The following PPP2R2B variants were observed in gnomAD, a reference collection of about 807,000 sequenced individuals.
PPP2R2B encodes the protein protein phosphatase 2 regulatory subunit Bbeta.
In PPP2R2B, 5 loss-of-function variants were observed where a neutral mutation model predicts 46.0. The observed-to-expected ratio is 0.11, with a 90% confidence interval of 0.06 to 0.23. The LOEUF is 0.23. Among genes scored for constraint, PPP2R2B ranks in the 10% least tolerant of loss-of-function variants. The probability of loss-of-function intolerance (pLI) is 1.00; values close to 1 mark genes in which losing one functional copy is unlikely to be tolerated. For synonymous variants in PPP2R2B, 215 were observed against 206.7 expected, an observed-to-expected ratio of 1.04 and a Z score of -0.34; for missense variants, 367 against 575.0, an observed-to-expected ratio of 0.64 and a Z score of 3.70.
At chr5:146,732,076 G>A (rs1308037138) in intron 2 of PPP2R2B, among the ~76,000 whole-genome samples, 1 of 152,078 alleles carries the variant, frequency 6.6e-6, no homozygotes, top group East Asian at 1.9e-4. Flanking sequence ...TATGACTCAG[G>A]CCTCCTGGAA....
chr5:146,698,317 A>AAAAAAAAAAAT (rs1250416449), intron 3 of PPP2R2B, among the ~76,000 whole-genome samples, 173 bp from the exon 4 acceptor site: 1 of 85,626 alleles, frequency 1.2e-5, no homozygotes, highest in African/African-American at 4.9e-5. Flanking sequence ...AAAAAAAAAA[A>AAAAAAAAAAAT]ATATATATAT....
intron 1 of PPP2R2B, among the ~76,000 whole-genome samples, chr5:146,883,842 A>G (rs902967371): frequency 5.3e-5 from 8 of 152,238 alleles, no homozygotes; most frequent in African/African-American, 1.7e-4. Context: ...TATTAATTCT[A>G]GACTCTGGGG....
At chr5:147,032,737 G>A (rs966936244) in intron 1 of PPP2R2B, among the ~76,000 whole-genome samples, 5 of 152,128 alleles carry the variant, frequency 3.3e-5, no homozygotes, top group African/African-American at 1.2e-4. Flanking sequence ...ATATACCACA[G>A]TTTCTTTATC....
rs1486655685 is a variant in PPP2R2B, at chr5:146,716,732, AC to A, written c.71-15591del. ...TATCCTGTTTCCCTTCCCTTCTAAC[AC>A]CCAGTTGAAAATTATTCTCTTCTAG... On this transcript the variant is annotated intron_variant, in intron 2 of 9. Coordinates refer to ENST00000394411, the MANE Select transcript of PPP2R2B (RefSeq NM_181675.4). Among the ~76,000 whole-genome samples the A allele has an allele frequency of 2.0e-5, 3 of 152,196 alleles. No individual in the cohort carries two copies. In the East Asian group the frequency reaches 5.8e-4, roughly 29 times the overall value.
At chr5:146,738,820 G>GT (rs1581990974) in intron 2 of PPP2R2B, among the ~76,000 whole-genome samples, 2 of 152,038 alleles carry the variant, frequency 1.3e-5, no homozygotes, top group Admixed American at 6.6e-5. Flanking sequence ...TATACTGAGG[G>GT]TTTTTTAATC....
intron 5 of PPP2R2B, among the ~76,000 whole-genome samples, chr5:146,666,000 C>G (rs945902389): frequency 1.3e-5 from 2 of 152,060 alleles, no homozygotes; most frequent in African/African-American, 4.8e-5. Flanking sequence ...CACAATAAAG[C>G]GAAATGTAAT....
chr5:146,833,606 C>T lies in PPP2R2B; in HGVS notation c.70+44396G>A, dbSNP rs114758275. On this transcript the variant is annotated intron_variant, in intron 2 of 9. Coordinates refer to ENST00000394411, the MANE Select transcript of PPP2R2B (RefSeq NM_181675.4). ...GACACCTCACCTACTGTGGGAATGA[C>T]ATGTTGAAACAGTTTCTCCATTCTC... Among the ~76,000 whole-genome samples the T allele has an allele frequency of 6.4e-3, 981 of 152,278 alleles. 14 individuals are homozygous for T. Among genetic ancestry groups the T allele is most frequent in the African/African-American group, 0.023 (941 of 41,544 alleles).
chr5:146,698,350 A>G (rs1779328758), intron 3 of PPP2R2B, among the ~76,000 whole-genome samples: 1 of 136,200 alleles, frequency 7.3e-6, no homozygotes, highest in Non-Finnish European at 1.5e-5. Context: ...ATATATATAT[A>G]TACACACACA....
At chr5:146,954,337 C>T (rs1751772575) in intron 1 of PPP2R2B, among the ~76,000 whole-genome samples, 1 of 152,078 alleles carries the variant, frequency 6.6e-6, no homozygotes, top group Non-Finnish European at 1.5e-5. Context: ...TCAGTTGGAC[C>T]TCCAGAAAAT....
intron 2 of PPP2R2B, among the ~76,000 whole-genome samples, chr5:146,727,597 G>A (rs369347899): frequency 6.6e-6 from 1 of 152,010 alleles, no homozygotes; most frequent in Non-Finnish European, 1.5e-5. Flanking sequence ...GATAGGTGCA[G>A]TAACAGCCCG....
intron 2 of PPP2R2B, among the ~76,000 whole-genome samples, chr5:146,806,354 A>AGCTGTCAT (rs1757177445): frequency 6.6e-6 from 1 of 152,156 alleles, no homozygotes; most frequent in Admixed American, 6.5e-5. Flanking sequence ...TCCTAATAAG[A>AGCTGTCAT]GCTGTCATTA....
intron 1 of PPP2R2B, among the ~76,000 whole-genome samples, chr5:146,986,584 A>C (rs1302683595): frequency 6.6e-6 from 1 of 152,236 alleles, no homozygotes; most frequent in Non-Finnish European, 1.5e-5. Flanking sequence ...TAATAAAAAA[A>C]CAGAAATCCT....
intron 2 of PPP2R2B, among the ~76,000 whole-genome samples, chr5:146,806,730 T>G (rs1757199884): frequency 6.6e-6 from 1 of 152,232 alleles, no homozygotes; most frequent in Non-Finnish European, 1.5e-5. Context: ...CAGGATAGTA[T>G]GAATGAGTGG....
intron 2 of PPP2R2B, among the ~76,000 whole-genome samples, chr5:146,823,870 A>C (rs1398115218): frequency 1.3e-5 from 2 of 152,202 alleles, no homozygotes; most frequent in Non-Finnish European, 2.9e-5. Flanking sequence ...AATTTGAAAA[A>C]GAAAAGTTGG....
chr5:146,653,027 T>C (rs1354749988), intron 5 of PPP2R2B, among the ~76,000 whole-genome samples: 3 of 152,214 alleles, frequency 2.0e-5, no homozygotes, highest in East Asian at 1.9e-4. Context: ...AAAATATTTA[T>C]TGGGCATTTT....
chr5:146,800,053 G>A (rs1005344248), intron 2 of PPP2R2B, among the ~76,000 whole-genome samples: 2 of 151,926 alleles, frequency 1.3e-5, no homozygotes, highest in African/African-American at 4.8e-5. Context: ...AACCTAAGAC[G>A]ATAATCATAA....
intron 1 of PPP2R2B, among the ~76,000 whole-genome samples, chr5:146,994,578 G>C (rs896600610): frequency 1.3e-5 from 2 of 152,108 alleles, no homozygotes; most frequent in Non-Finnish European, 2.9e-5. Context: ...TCCCACTTTA[G>C]GGTGAAGAAA....
chr5:147,065,613 T>C (rs1033425905), intron 2 of PPP2R2B, among the ~76,000 whole-genome samples: 4 of 151,928 alleles, frequency 2.6e-5, no homozygotes, highest in Non-Finnish European at 1.5e-5. Context: ...GAAGATGGTG[T>C]CCAAACTAAG....
chr5:147,022,579 A>G (rs147829003), intron 1 of PPP2R2B, among the ~76,000 whole-genome samples: 2 of 152,040 alleles, frequency 1.3e-5, no homozygotes, highest in African/African-American at 4.8e-5. Flanking sequence ...TCCAAATTTA[A>G]TAAGAAAATA....
Sources: gnomAD v4.1 joint callset for allele counts (sites outside exome capture counted in the v4.1 genomes callset) on GRCh38, gnomAD v4.1.1 for gene constraint, MANE v1.5 for transcripts, NCBI Gene and HGNC (gene_info 2026-07-23, HGNC 2026-07-21) for gene names.